Variants in EML6 observed in about 807,000 individuals in gnomAD.
EML6 encodes the protein echinoderm microtubule-associated protein-like 6.
In EML6, 154 loss-of-function variants were observed where a neutral mutation model predicts 240.1. The ratio of observed to expected loss-of-function variants is 0.64; its 90% confidence interval spans 0.56 to 0.73. EML6 has a LOEUF of 0.73. EML6 is among the 30% of genes least tolerant of loss of function. The pLI is 0.00. For missense variants in EML6, 2,964 were observed against 2,474.6 expected (o/e 1.20, Z -4.20); for synonymous variants, 1,148 against 899.0 (o/e 1.28, Z -4.95).
In EML6 at chr2:54,820,436, G is replaced by A. The variant is rs945595933; in HGVS notation, c.499G>A (p.Val167Ile). Residue 167 changes from valine (V) to isoleucine (I), a missense_variant, in exon 5 of 42, where the codon GTT becomes ATT. Transcript: ENST00000356458. The part of the protein sequence containing the change: ...SWDPYQPNRV[V>I]SCGVKHIKFW... ...GGATCCATATCAGCCAAACAGAGTG[G>A]TTAGCTGTGGAGTAAAACACATAAA... The A allele has an allele frequency of 1.9e-6, 3 of 1,549,838 alleles. No individual in the cohort carries two copies. Among genetic ancestry groups the A allele is most frequent in the Non-Finnish European group, 8.7e-7 (1 of 1,145,484 alleles).
chr2:54,833,182 A>G (rs564575030), intron 7 of EML6, among the ~76,000 whole-genome samples: 12 of 152,344 alleles, frequency 7.9e-5, no homozygotes, highest in South Asian at 4.1e-4. Context: ...GCTGCTTACT[A>G]GTGTTTAGGA....
At chr2:54,965,328 T>G (rs140376786) in intron 38 of EML6, among the ~76,000 whole-genome samples, 72 of 152,356 alleles carry the variant, frequency 4.7e-4, no homozygotes, top group African/African-American at 1.7e-3. Context: ...AGGATGTATT[T>G]ATTCATTCAA....
At chr2:54,968,326 C>A in intron 40 of EML6, 45 bp downstream of exon 40, 1 of 1,541,644 alleles carries the variant, frequency 6.5e-7, no homozygotes, top group Non-Finnish European at 8.8e-7. Flanking sequence ...CTCTGTTTGG[C>A]CGTCTGCAGG....
Position 54,850,202 on chromosome 2 carries a change from G to A in EML6, c.1428G>A (p.Leu476=), listed in dbSNP as rs1367808884. The A allele has an allele frequency of 1.3e-6, 2 of 1,551,404 alleles. No homozygotes were observed. The highest frequency in any genetic ancestry group is 2.0e-5 in the Admixed American group (1 of 50,984). ...LQTNDGAGER[L]FYRMPSGKPL... Reference sequence around the variant, plus strand: ...CTAATGACGGTGCAGGAGAACGATTGTTCTACAGAATGCCATGTAAGTCAT... The same window carrying A: ...CTAATGACGGTGCAGGAGAACGATTATTCTACAGAATGCCATGTAAGTCAT... Residue 476 remains leucine, a synonymous_variant, in exon 10 of 42, where the codon TTG becomes TTA. Transcript: ENST00000356458.
chr2:54,756,342 A>G (rs1667729072), intron 2 of EML6, among the ~76,000 whole-genome samples: 1 of 152,234 alleles, frequency 6.6e-6, no homozygotes, highest in South Asian at 2.1e-4. Context: ...GAAGTTCTCA[A>G]TGGAAAGGTT....
chr2:54,968,618 C>A, intron 40 of EML6, 50 bp from the exon 41 acceptor site: 1 of 1,090,962 alleles, frequency 9.2e-7, no homozygotes, highest in Non-Finnish European at 1.4e-6. Flanking sequence ...TCTGTGGTTG[C>A]TGAGAGGAGC....
chr2:54,864,047 C>G (rs1032451198), intron 13 of EML6, among the ~76,000 whole-genome samples, 158 bp downstream of exon 13: 13 of 152,136 alleles, frequency 8.5e-5, no homozygotes, highest in African/African-American at 3.1e-4. Flanking sequence ...CAGGTTAAAA[C>G]CGACGTGTTT....
At position 54,804,164 on chromosome 2, in the gene EML6, TG is replaced by T. The variant is rs1320570572; in HGVS notation, c.198-9066del. On this transcript the variant is annotated intron_variant, in intron 2 of 41. Coordinates refer to ENST00000356458, the MANE Select transcript of EML6 (RefSeq NM_001039753.4). Reference sequence around the variant, plus strand: ...ATAGAGGTAGTAACATTTTGCCATCTGGCAAAGCCACTAGACCAGATGGATT... The same window carrying T: ...ATAGAGGTAGTAACATTTTGCCATCTGCAAAGCCACTAGACCAGATGGATT... Among the ~76,000 whole-genome samples the T allele has an allele frequency of 3.9e-5, 6 of 152,390 alleles. No individual in the cohort carries two copies. The South Asian group carries it at 8.3e-4, about 21-fold the overall frequency.
chr2:54,758,065 T>C (rs969170680), intron 2 of EML6, among the ~76,000 whole-genome samples: 5 of 152,150 alleles, frequency 3.3e-5, no homozygotes, highest in East Asian at 1.9e-4. Flanking sequence ...TCACCGTAAT[T>C]TTCATTTCTA....
intron 7 of EML6, among the ~76,000 whole-genome samples, chr2:54,841,094 C>G (rs1669423469): frequency 1.1e-5 from 1 of 88,238 alleles, no homozygotes; most frequent in Non-Finnish European, 2.2e-5. Flanking sequence ...GAGATCAGGA[C>G]AAGGAGGGGG....
At chr2:54,728,323 C>G (rs1024554893) in intron 2 of EML6, among the ~76,000 whole-genome samples, 1 of 152,192 alleles carries the variant, frequency 6.6e-6, no homozygotes, top group Admixed American at 6.5e-5. Context: ...CATTCATCCT[C>G]TGTTACTTCC....
chr2:54,964,739 C>T lies in EML6; in HGVS notation c.5493+6C>T, dbSNP rs2104547599. ...CGGATGGCAAATACATTCAGGTATG[C>T]TTGGGGTTTACTTATATCTGGGGCA... On this transcript the variant is annotated splice_donor_region_variant and intron_variant, in intron 38 of 41. Coordinates refer to ENST00000356458, the MANE Select transcript of EML6 (RefSeq NM_001039753.4). The T allele has an allele frequency of 1.3e-6, 2 of 1,551,564 alleles. No individual in the cohort carries two copies. The highest frequency in any genetic ancestry group is 2.4e-5 in the East Asian group (1 of 40,922).
Position 54,967,100 on chromosome 2 carries a change from C to G in EML6, c.5594C>G (p.Thr1865Arg). 1 of 1,549,186 alleles carries G rather than the reference C, an allele frequency of 6.5e-7. No homozygotes were observed. The highest frequency in any genetic ancestry group is 2.0e-5 in the Admixed American group (1 of 50,986). The change falls in exon 39 of 42, where the codon ACA (threonine) becomes AGA (arginine). Residue 1865 changes from threonine to arginine, a missense_variant. Transcript: ENST00000356458. ...GAGAAGATCACCTGGGCCTCCTGGA[C>G]AAGGTGACTGACTGGAAGAAAAAAC... ...VIEKITWASW[T>R]SVLGDEVIGI...
At chr2:54,930,953 C>CTTTTTT (rs34403438) in intron 28 of EML6, among the ~76,000 whole-genome samples, 4 of 104,628 alleles carry the variant, frequency 3.8e-5, no homozygotes, top group Admixed American at 1.1e-4. Context: ...CCGTAGGCAT[C>CTTTTTT]TTTTTTTTTT....
chr2:54,781,203 A>G (rs1038561449), intron 2 of EML6, among the ~76,000 whole-genome samples: 1 of 152,220 alleles, frequency 6.6e-6, no homozygotes, highest in African/African-American at 2.4e-5. Flanking sequence ...TATCTTGCCC[A>G]GGGACACACA....
intron 28 of EML6, 42 bp from the exon 29 acceptor site, chr2:54,948,840 C>T: frequency 2.0e-6 from 3 of 1,490,302 alleles, no homozygotes; most frequent in East Asian, 4.9e-5. Flanking sequence ...CCTTGCAGCC[C>T]TTGTTCAATG....
At chr2:54,900,689 C>G (rs1468028481) in intron 22 of EML6, among the ~76,000 whole-genome samples, 1 of 152,196 alleles carries the variant, frequency 6.6e-6, no homozygotes, top group East Asian at 1.9e-4. Flanking sequence ...TCTCTAATTT[C>G]CCACCAGTGC....
At chr2:54,832,899 G>T (rs1469614689) in intron 7 of EML6, among the ~76,000 whole-genome samples, 2 of 152,120 alleles carry the variant, frequency 1.3e-5, no homozygotes, top group Non-Finnish European at 2.9e-5. Context: ...AAGCTTCCTT[G>T]TTCTCAGTTT....
intron 5 of EML6, among the ~76,000 whole-genome samples, chr2:54,825,414 G>C (rs1381580974): frequency 6.6e-6 from 1 of 152,044 alleles, no homozygotes; most frequent in Admixed American, 6.6e-5. Flanking sequence ...TATTACAGGT[G>C]TGTGCTACCA....
Sources: allele counts gnomAD v4.1 joint callset (sites outside exome capture counted in the v4.1 genomes callset), GRCh38; gene constraint gnomAD v4.1.1; transcripts MANE v1.5; gene names NCBI Gene and HGNC (gene_info 2026-07-23, HGNC 2026-07-21).